The following SIRPG variants were observed in gnomAD, a reference collection of about 807,000 sequenced individuals.
SIRPG encodes the protein signal-regulatory protein gamma.
Under a neutral mutation model 35.7 loss-of-function variants are expected in SIRPG, and 38 were observed. The ratio of observed to expected loss-of-function variants is 1.06; its 90% CI spans 0.82 to 1.40. SIRPG has a LOEUF of 1.40. SIRPG is among the 40% of genes most tolerant of loss of function. The pLI is 0.00. For missense variants in SIRPG, 519 were observed against 483.0 expected, an observed-to-expected ratio of 1.07 and a Z score of -0.70; for synonymous variants, 215 against 190.4, an observed-to-expected ratio of 1.13 and a Z score of -1.06.
the SIRPG span, chr20:1,669,934 C>A: frequency 1.9e-5 from 4 of 213,322 alleles, no homozygotes; most frequent in African/African-American, 7.0e-5. Context: ...CCTCTGAGCT[C>A]TGCTCCTGGT....
intron 2 of SIRPG, chr20:1,648,393 A>G (rs2091913078): frequency 1.3e-5 from 2 of 152,236 alleles, no homozygotes; most frequent in African/African-American, 4.8e-5. Flanking sequence ...TAGACTAAAC[A>G]GTGAATCTGT....
intron 3 of SIRPG, among the ~76,000 whole-genome samples, chr20:1,635,954 C>T (rs1469938937): frequency 1.3e-5 from 2 of 152,188 alleles, no homozygotes; most frequent in Non-Finnish European, 2.9e-5. Context: ...AGTAGTTGTT[C>T]TTGGTGAGAT....
At chr20:1,671,079 G>T in the SIRPG span, 21 of 427,852 alleles carry the variant, frequency 4.9e-5, no homozygotes, top group South Asian at 3.4e-4. Context: ...TCCTATTTTT[G>T]GACCATTTCA....
At position 1,635,435 on chromosome 20, in the gene SIRPG, C is replaced by T; in HGVS notation, c.913G>A (p.Asp305Asn). 6.2e-7 allele frequency: 1 copy of T among 1,614,142 alleles called. No individual in the cohort carries two copies. Among genetic ancestry groups the T allele is most frequent in the South Asian group, 1.1e-5 (1 of 91,074 alleles). ...ETASTLTENK[D>N]GTYNWTSWFL... ...CAGCTTGTCCAGTTGTAGGTACCAT[C>T]CTTGTTCTCTGTAAGGGTCGAGGCT... is the stretch of plus-strand genomic sequence containing the variant. Residue 305 changes from aspartate to asparagine, a missense_variant, in exon 4 of 6, where the codon GAT becomes AAT. Coordinates refer to ENST00000303415, the MANE Select transcript of SIRPG (RefSeq NM_018556.4).
chr20:1,648,709 AG>A (rs2091915882), intron 2 of SIRPG, among the ~76,000 whole-genome samples: 1 of 152,206 alleles, frequency 6.6e-6, no homozygotes, highest in Admixed American at 6.5e-5. Flanking sequence ...CGCTCTTTGG[AG>A]GCAGAAGGTG....
the SIRPG span, among the ~76,000 whole-genome samples, chr20:1,664,034 G>A: frequency 2.0e-5 from 3 of 152,210 alleles, no homozygotes; most frequent in African/African-American, 7.2e-5. Flanking sequence ...GAGAGACAAA[G>A]AGGAGCTGGC....
intron 2 of SIRPG, among the ~76,000 whole-genome samples, chr20:1,639,014 C>T (rs1006011587): frequency 1.8e-4 from 27 of 152,282 alleles, no homozygotes; most frequent in African/African-American, 5.3e-4. Flanking sequence ...TTTGTCCAGT[C>T]TATCACTGAT....
chr20:1,645,092 C>G (rs1015911055), intron 2 of SIRPG, among the ~76,000 whole-genome samples: 1 of 152,078 alleles, frequency 6.6e-6, no homozygotes, highest in Non-Finnish European at 1.5e-5. Flanking sequence ...CACGTTTTCA[C>G]GATGGAAGGT....
upstream of SIRPG, among the ~76,000 whole-genome samples, chr20:1,658,399 G>A (rs576489335): frequency 9.9e-5 from 15 of 152,282 alleles, no homozygotes; most frequent in South Asian, 1.7e-3. Flanking sequence ...AGTGAGGTGG[G>A]GATTGTGGGT....
At chr20:1,638,560 A>G (rs1357298735) in intron 2 of SIRPG, 1 of 152,190 alleles carries the variant, frequency 6.6e-6, no homozygotes, top group Non-Finnish European at 1.5e-5. Flanking sequence ...TAAAGCTGGA[A>G]GCATTTTGGA....
At chr20:1,663,760 C>A in the SIRPG span, among the ~76,000 whole-genome samples, 1 of 152,220 alleles carries the variant, frequency 6.6e-6, no homozygotes, top group Non-Finnish European at 1.5e-5. Flanking sequence ...GGCATTCCTG[C>A]CATGAGCAAC....
At chr20:1,633,592 T>C (rs1356770309) in intron 4 of SIRPG, 1 of 152,222 alleles carries the variant, frequency 6.6e-6, no homozygotes, top group Non-Finnish European at 1.5e-5. Flanking sequence ...TCACACGCCT[T>C]CCATACATCT....
chr20:1,683,389 C>A, the SIRPG span, among the ~76,000 whole-genome samples: 1 of 152,214 alleles, frequency 6.6e-6, no homozygotes, highest in Non-Finnish European at 1.5e-5. Flanking sequence ...AGCAATCTCA[C>A]TTCTGGGTGT....
intron 1 of SIRPG, among the ~76,000 whole-genome samples, chr20:1,652,789 T>C (rs747309741): frequency 6.6e-6 from 1 of 152,240 alleles, no homozygotes; most frequent in Non-Finnish European, 1.5e-5. Flanking sequence ...CTATTTATCA[T>C]GTGTATTGAT....
At chr20:1,675,095 C>A in the SIRPG span, among the ~76,000 whole-genome samples, 431 of 152,274 alleles carry the variant, frequency 2.8e-3, 1 homozygote, top group African/African-American at 0.01. Context: ...GGCCCAGATA[C>A]CCTGTAGCCA....
the SIRPG span, among the ~76,000 whole-genome samples, chr20:1,667,928 C>T: frequency 6.6e-6 from 1 of 152,172 alleles, no homozygotes; most frequent in African/African-American, 2.4e-5. Flanking sequence ...GACTGTTCTG[C>T]CATCACTCTT....
chr20:1,640,145 T>G (rs2091840825), intron 2 of SIRPG, among the ~76,000 whole-genome samples: 2 of 152,196 alleles, frequency 1.3e-5, no homozygotes, highest in African/African-American at 4.8e-5. Flanking sequence ...TAGTTTTTTT[T>G]CTAATTCTGT....
the SIRPG span, among the ~76,000 whole-genome samples, chr20:1,663,989 T>C: frequency 0.011 from 1,684 of 152,320 alleles, 28 homozygotes; most frequent in African/African-American, 0.039. Flanking sequence ...AGCATCTGCT[T>C]CTGATGAGGC....
At chr20:1,656,242 T>A (rs1377367019) in intron 1 of SIRPG, among the ~76,000 whole-genome samples, 1 of 152,192 alleles carries the variant, frequency 6.6e-6, no homozygotes, top group Non-Finnish European at 1.5e-5. Context: ...CTGGAACTGG[T>A]CAACCTGGAC....
Sources: gnomAD v4.1 joint callset for allele counts (sites outside exome capture counted in the v4.1 genomes callset) on GRCh38, gnomAD v4.1.1 for gene constraint, MANE v1.5 for transcripts, NCBI Gene and HGNC (gene_info 2026-07-23, HGNC 2026-07-21) for gene names.